Variants in CNOT7 observed in about 807,000 individuals in gnomAD.
The protein encoded by CNOT7 is BTG1-binding factor 1.
Under a neutral mutation model 37.1 loss-of-function variants are expected in CNOT7, and 4 were observed. The observed-to-expected ratio is 0.11, with a 90% confidence interval of 0.05 to 0.25. The LOEUF (loss-of-function observed/expected upper bound fraction) is 0.25, where lower values mean the gene tolerates loss of function less well. Among genes scored for constraint, CNOT7 ranks in the 10% least tolerant of loss-of-function variants. The pLI is 1.00. For synonymous variants in CNOT7, 128 were observed against 115.6 expected (o/e 1.11, Z -0.69); for missense variants, 170 against 336.2 (o/e 0.51, Z 3.87).
At chr8:17,241,300 A>C (rs1810130491) in intron 3 of CNOT7, 1 of 138,624 alleles carries the variant, frequency 7.2e-6, no homozygotes, top group African/African-American at 2.6e-5. Context: ...TTTTGTAGAG[A>C]CAGAGTCTAT....
chr8:17,239,794 A>G lies in CNOT7; in HGVS notation c.312-2421T>C, dbSNP rs538652121. On this transcript the variant is annotated intron_variant, in intron 3 of 6. Transcript: ENST00000361272. ...AGGCGTGAGCCACCACGCCCAGCCT[A>G]AAAGTGAGAATTTGTTAAAAATTTG... Among the ~76,000 whole-genome samples the G allele has an allele frequency of 3.9e-5, 6 of 152,320 alleles. No homozygotes were observed. The South Asian group carries it at 1.2e-3, about 32-fold the overall frequency.
Position 17,225,603 on chromosome 8 carries a change from G to T in CNOT7, c.*5117C>A, listed in dbSNP as rs932315197. The T allele has an allele frequency of 5.9e-5, 9 of 151,588 alleles. No individual in the cohort carries two copies. Among genetic ancestry groups the T allele is most frequent in the African/African-American group, 2.2e-4 (9 of 41,348 alleles). 9.4% of individuals were successfully genotyped at this position (151,588 alleles called of 1,614,324 possible). ...TCTAGTGATAATGTACATGAATCTT[G>T]TTTTCTTGGAATTTTCATTCTATGG... On this transcript the variant is annotated 3_prime_UTR_variant, in exon 7 of 7. Coordinates refer to ENST00000361272, the MANE Select transcript of CNOT7 (RefSeq NM_013354.7).
intron 1 of CNOT7, among the ~76,000 whole-genome samples, chr8:17,245,549 C>A (rs1158713684): frequency 6.6e-6 from 1 of 152,152 alleles, no homozygotes; most frequent in Non-Finnish European, 1.5e-5. Context: ...CTGCATAAAA[C>A]TTTATAAAGC....
intron 3 of CNOT7, chr8:17,241,783 A>T (rs1353466365): frequency 1.3e-5 from 2 of 152,234 alleles, no homozygotes; most frequent in Admixed American, 6.5e-5. Flanking sequence ...TAAAAACAAG[A>T]GTTAAGTTCC....
At chr8:17,232,262 T>C (rs1808738249) in intron 6 of CNOT7, 165 bp downstream of exon 6, 2 of 1,462,066 alleles carry the variant, frequency 1.4e-6, no homozygotes, top group Non-Finnish European at 1.8e-6. Flanking sequence ...CATTTCAAGA[T>C]GACTTATTTT....
intron 4 of CNOT7, among the ~76,000 whole-genome samples, chr8:17,236,707 A>G (rs1285632777): frequency 6.6e-6 from 1 of 152,174 alleles, no homozygotes; most frequent in Admixed American, 6.5e-5. Flanking sequence ...CGTGAACTCC[A>G]TTTTTAAAAA....
chr8:17,239,018 G>C (rs1809776898), intron 3 of CNOT7, among the ~76,000 whole-genome samples: 1 of 152,126 alleles, frequency 6.6e-6, no homozygotes, highest in Non-Finnish European at 1.5e-5. Context: ...AAATATGTCT[G>C]TGTATTATCT....
At chr8:17,237,607 A>G (rs1482481540) in intron 3 of CNOT7, 4 of 444,296 alleles carry the variant, frequency 9.0e-6, no homozygotes, top group Non-Finnish European at 1.2e-5. Context: ...GTGCAATTTT[A>G]ATCTTTTTTC....
rs1808180720 is a variant in CNOT7, at chr8:17,226,715, T to A, written c.*4005A>T. 1 of 151,894 alleles carries A rather than the reference T, an allele frequency of 6.6e-6. No individual in the cohort carries two copies. Among genetic ancestry groups the A allele is most frequent in the Non-Finnish European group, 1.5e-5 (1 of 67,748 alleles). The allele number at this position is 151,894 out of a possible 1,614,324, so 9.4% of individuals were successfully genotyped here. On this transcript the variant is annotated 3_prime_UTR_variant, in exon 7 of 7. Coordinates refer to ENST00000361272, the MANE Select transcript of CNOT7 (RefSeq NM_013354.7). ...GACTTCTCATAGCACAGAAAGTATA[T>A]AAAGCAGCTTGACAATCTTAAGTTT... is the stretch of plus-strand genomic sequence containing the variant.
rs1344125396 is a variant in CNOT7, at chr8:17,225,347, A to G, written c.*5373T>C. On this transcript the variant is annotated 3_prime_UTR_variant, in exon 7 of 7. Transcript: ENST00000361272. ...GCAAGAGGGCAGATTATATTCATGA[A>G]TGCTTCTCATATACAAAAAATTCCT... 1 of 151,690 alleles carries G rather than the reference A, an allele frequency of 6.6e-6. No homozygotes were observed. The highest frequency in any genetic ancestry group is 1.5e-5 in the Non-Finnish European group (1 of 67,702). 9.4% of individuals were successfully genotyped at this position (151,690 alleles called of 1,614,324 possible).
chr8:17,243,921 G>A (rs563835616), intron 2 of CNOT7, among the ~76,000 whole-genome samples: 5 of 152,124 alleles, frequency 3.3e-5, no homozygotes, highest in African/African-American at 4.8e-5. Flanking sequence ...CCAAAGTAAT[G>A]CATTTGTTTA....
intron 4 of CNOT7, 144 bp downstream of exon 4, chr8:17,237,068 C>T: frequency 1.4e-6 from 1 of 730,004 alleles, no homozygotes; most frequent in Non-Finnish European, 2.3e-6. Flanking sequence ...CCAACATTAG[C>T]CTCCTAAGAG....
chr8:17,245,233 C>T lies in CNOT7; in HGVS notation c.-81G>A, dbSNP rs989685477. On this transcript the variant is annotated 5_prime_UTR_variant, in exon 2 of 7. Coordinates refer to ENST00000361272, the MANE Select transcript of CNOT7 (RefSeq NM_013354.7). Reference sequence around the variant, plus strand: ...AGATTTGTTTCATAAAATATTTTATCCTTTATTTATGTACCTGTCAAAATA... The same window carrying T: ...AGATTTGTTTCATAAAATATTTTATTCTTTATTTATGTACCTGTCAAAATA... 7.1e-7 allele frequency: 1 copy of T among 1,414,930 alleles called. No homozygotes were observed. Among genetic ancestry groups the T allele is most frequent in the African/African-American group, 1.5e-5 (1 of 68,326 alleles). 87.6% of individuals were successfully genotyped at this position (1,414,930 alleles called of 1,614,324 possible).
In CNOT7 at chr8:17,229,276, AAAT is replaced by A. The variant is rs760094039; in HGVS notation, c.*1441_*1443del. On this transcript the variant is annotated 3_prime_UTR_variant, in exon 7 of 7. Coordinates refer to ENST00000361272, the MANE Select transcript of CNOT7 (RefSeq NM_013354.7). ...CTTTATTTACAAAAGCTTTAAAAAC[AAAT>A]AATACCCTCTGTTTTGCAAATAATG... 1.6e-4 allele frequency: 24 copies of A among 152,128 alleles called. No homozygotes were observed. The highest frequency in any genetic ancestry group is 4.6e-4 in the African/African-American group (19 of 41,544). 9.4% of individuals were successfully genotyped at this position (152,128 alleles called of 1,614,324 possible).
chr8:17,245,676 G>A (rs2063983081), intron 1 of CNOT7, among the ~76,000 whole-genome samples: 1 of 152,052 alleles, frequency 6.6e-6, no homozygotes, highest in Non-Finnish European at 1.5e-5. Flanking sequence ...ACCAAAATCC[G>A]ACTTGATAAC....
Position 17,225,413 on chromosome 8 carries a change from A to G in CNOT7, c.*5307T>C, listed in dbSNP as rs1319840551. On this transcript the variant is annotated 3_prime_UTR_variant, in exon 7 of 7. Transcript: ENST00000361272. ...GAGTATTGACCAGTTTATCTTTAAA[A>G]AGAAAATGAGTAATTCTGGAGAAAT... The G allele has an allele frequency of 6.6e-6, 1 of 151,828 alleles. No individual in the cohort carries two copies. Among genetic ancestry groups the G allele is most frequent in the African/African-American group, 2.4e-5 (1 of 41,436 alleles). 9.4% of individuals were successfully genotyped at this position (151,828 alleles called of 1,614,324 possible). A position where few individuals can be genotyped will look rare whatever the true frequency, so the allele number is the denominator to read the frequency against.
At chr8:17,238,786 C>T (rs1177161219) in intron 3 of CNOT7, among the ~76,000 whole-genome samples, 2 of 152,190 alleles carry the variant, frequency 1.3e-5, no homozygotes, top group South Asian at 2.1e-4. Context: ...GGCTTCACCC[C>T]ATACCTGCTT....
At chr8:17,236,981 C>G (rs1161973917) in intron 4 of CNOT7, among the ~76,000 whole-genome samples, 1 of 152,178 alleles carries the variant, frequency 6.6e-6, no homozygotes, top group Non-Finnish European at 1.5e-5. Context: ...TTTAGAGAAC[C>G]TGTACTGTTT....
At chr8:17,237,484 T>A in intron 3 of CNOT7, 111 bp from the exon 4 acceptor site, 1 of 897,858 alleles carries the variant, frequency 1.1e-6, no homozygotes, top group Non-Finnish European at 1.7e-6. Context: ...AGGAATGGCT[T>A]GAGTCCACCT....
Sources: gnomAD v4.1 joint callset for allele counts (sites outside exome capture counted in the v4.1 genomes callset) on GRCh38, gnomAD v4.1.1 for gene constraint, MANE v1.5 for transcripts, NCBI Gene and HGNC (gene_info 2026-07-23, HGNC 2026-07-21) for gene names.